Variants in SLC9A8 observed in about 807,000 individuals in gnomAD.
The protein encoded by SLC9A8 is sodium/hydrogen exchanger 8.
SLC9A8 carries 48 observed loss-of-function variants against 66.6 expected under a neutral mutation model. The observed-to-expected ratio is 0.72, with a 90% CI of 0.57 to 0.92. The LOEUF (loss-of-function observed/expected upper bound fraction) is 0.92. SLC9A8 is among the 40% of genes least tolerant of loss of function. The pLI, the probability that SLC9A8 is intolerant of heterozygous loss-of-function variation, is 0.00. For missense variants in SLC9A8, 599 were observed against 747.3 expected, an observed-to-expected ratio of 0.80 and a Z score of 2.31; for synonymous variants, 274 against 282.6, an observed-to-expected ratio of 0.97 and a Z score of 0.31.
chr20:49,819,102 CGTT>C (rs2086650453), intron 2 of SLC9A8, among the ~76,000 whole-genome samples: 1 of 152,050 alleles, frequency 6.6e-6, no homozygotes, highest in Non-Finnish European at 1.5e-5. Flanking sequence ...TGCATTTAAC[CGTT>C]GTTGATCTTT....
intron 10 of SLC9A8, among the ~76,000 whole-genome samples, chr20:49,869,741 G>A (rs1489473664): frequency 1.3e-5 from 2 of 152,014 alleles, no homozygotes; most frequent in African/African-American, 4.8e-5. Flanking sequence ...GCTGAGGCAG[G>A]AGAATTGCTT....
At chr20:49,837,141 CTGTT>C (rs1335763323) in intron 3 of SLC9A8, among the ~76,000 whole-genome samples, 1 of 152,182 alleles carries the variant, frequency 6.6e-6, no homozygotes, top group East Asian at 1.9e-4. Flanking sequence ...AAGAATGAAA[CTGTT>C]TGTCTCTTAT....
Position 49,890,161 on chromosome 20 carries a change from G to T in SLC9A8, c.*2225G>T, listed in dbSNP as rs1199263205. 1 of 152,098 alleles carries T rather than the reference G, an allele frequency of 6.6e-6. No individual in the cohort carries two copies. Among genetic ancestry groups the T allele is most frequent in the Non-Finnish European group, 1.5e-5 (1 of 68,040 alleles). The allele number at this position is 152,098 out of a possible 1,614,324, so 9.4% of individuals were successfully genotyped here. A position where few individuals can be genotyped will look rare whatever the true frequency, so the allele number is the denominator to read the frequency against. ...CTCCTCTGAGCCTCTTCTGCCCCCT[G>T]TCGGCCAGGTGAGGTCAGCAGCCTG... On this transcript the variant is annotated 3_prime_UTR_variant, in exon 16 of 16. Transcript: ENST00000361573.
intron 10 of SLC9A8, among the ~76,000 whole-genome samples, chr20:49,867,667 G>T (rs1357798299): frequency 6.6e-6 from 1 of 152,170 alleles, no homozygotes; most frequent in African/African-American, 2.4e-5. Context: ...CTCAGCAGGG[G>T]GCCTAGGGAA....
At chr20:49,875,884 G>A (rs1474602024) in intron 11 of SLC9A8, among the ~76,000 whole-genome samples, 8 of 151,986 alleles carry the variant, frequency 5.3e-5, no homozygotes, top group Admixed American at 3.3e-4. Context: ...ATAGGTGCCC[G>A]CCACCATGCC....
chr20:49,870,468 C>T (rs951462024), intron 10 of SLC9A8, among the ~76,000 whole-genome samples: 2 of 152,132 alleles, frequency 1.3e-5, no homozygotes, highest in African/African-American at 4.8e-5. Context: ...GCAGGAACTG[C>T]AGGAGCCAGG....
Position 49,823,075 on chromosome 20 carries a change from T to C in SLC9A8, c.223T>C (p.Leu75=). ...TTTTTCCACAGCTATCTGCATCATA[T>C]TGGTGCATTTACTGATCCGATACAG... ...SLLVLAICII[L]VHLLIRYRLH... Residue 75 remains leucine (L), a synonymous_variant, in exon 3 of 16, where the codon TTG becomes CTG. Coordinates refer to ENST00000361573, the MANE Select transcript of SLC9A8 (RefSeq NM_015266.3). 1.2e-6 allele frequency: 2 copies of C among 1,611,286 alleles called. No homozygotes were observed. Among genetic ancestry groups the C allele is most frequent in the Non-Finnish European group, 1.7e-6 (2 of 1,177,994 alleles).
chr20:49,884,219 C>CACACACACACACACG, intron 14 of SLC9A8, 153 bp downstream of exon 14: 2 of 328,100 alleles, frequency 6.1e-6, no homozygotes, highest in East Asian at 5.4e-5. Flanking sequence ...CACACACACA[C>CACACACACACACACG]ACACACACAC....
chr20:49,813,378 T>C (rs1435430936), intron 1 of SLC9A8, among the ~76,000 whole-genome samples: 1 of 152,180 alleles, frequency 6.6e-6, no homozygotes, highest in African/African-American at 2.4e-5. Context: ...TTTCATTTAG[T>C]CATTAACTGT....
At chr20:49,864,942 C>A in intron 10 of SLC9A8, 98 bp downstream of exon 10, 1 of 785,752 alleles carries the variant, frequency 1.3e-6, no homozygotes, top group Admixed American at 1.9e-5. Flanking sequence ...TCACAAGAGA[C>A]AGTCACAACT....
intron 7 of SLC9A8, among the ~76,000 whole-genome samples, chr20:49,852,091 C>G (rs1056160220): frequency 2.0e-5 from 3 of 152,134 alleles, no homozygotes; most frequent in Non-Finnish European, 4.4e-5. Flanking sequence ...GACGATCCCT[C>G]AGATGGGGAC....
chr20:49,871,329 A>C (rs1465852146), intron 10 of SLC9A8, among the ~76,000 whole-genome samples: 1 of 152,122 alleles, frequency 6.6e-6, no homozygotes, highest in East Asian at 1.9e-4. Flanking sequence ...CCTTTATTAC[A>C]TCTAGAACAG....
At chr20:49,871,838 T>C (rs1483174407) in intron 10 of SLC9A8, among the ~76,000 whole-genome samples, 2 of 152,198 alleles carry the variant, frequency 1.3e-5, no homozygotes, top group Non-Finnish European at 2.9e-5. Flanking sequence ...GGCTTACTTA[T>C]CCATATAGAA....
In SLC9A8 at chr20:49,872,737, G is replaced by A. The variant is rs548143036; in HGVS notation, c.959-1968G>A. On this transcript the variant is annotated intron_variant, in intron 10 of 15. Coordinates refer to ENST00000361573, the MANE Select transcript of SLC9A8 (RefSeq NM_015266.3). ...CCTGACCTCGTGATTCACCCGCCTC[G>A]GCCTCCCAAAGTGCTGGGATTACAG... Among the ~76,000 whole-genome samples, 50 of 152,024 alleles carry A rather than the reference G, an allele frequency of 3.3e-4. 1 individual carries two copies. In the South Asian group the frequency reaches 3.7e-3, roughly 11 times the overall value.
Position 49,887,925 on chromosome 20 carries a change from G to A in SLC9A8, c.1735G>A (p.Glu579Lys). Residue 579 changes from glutamate to lysine, a missense_variant, in exon 16 of 16, where the codon GAG becomes AAG. Coordinates refer to ENST00000361573, the MANE Select transcript of SLC9A8 (RefSeq NM_015266.3). ...GPSGSEDDEQ[E>K]LL The stretch of plus-strand genomic sequence containing the variant: ...CTCCGGCTCCGAGGACGACGAGCAG[G>A]AGCTGCTCTGACGCCAGGTGCCAAG... 1 of 1,613,432 alleles carries A rather than the reference G, an allele frequency of 6.2e-7. No individual in the cohort carries two copies. Among genetic ancestry groups the A allele is most frequent in the Non-Finnish European group, 8.5e-7 (1 of 1,179,672 alleles).
chr20:49,880,941 C>T lies in SLC9A8; in HGVS notation c.1176C>T (p.Gly392=). The change falls in exon 13 of 16, where the codon GGC becomes GGT. Residue 392 remains glycine, a synonymous_variant. Transcript: ENST00000361573. Reference sequence around the variant, plus strand: ...ATCAACAGGTGCTTGTACTATTTGGCAGAGCGGTAAACATTTTCCCTCTTT... The same window carrying T: ...ATCAACAGGTGCTTGTACTATTTGGTAGAGCGGTAAACATTTTCCCTCTTT... The part of the protein sequence containing the change: ...VIWCIVLVLF[G]RAVNIFPLSY... 1 of 1,612,768 alleles carries T rather than the reference C, an allele frequency of 6.2e-7. No homozygotes were observed. The highest frequency in any genetic ancestry group is 1.6e-4 in the Middle Eastern group (1 of 6,062).
chr20:49,881,685 A>G lies in SLC9A8; in HGVS notation c.1270+650A>G, dbSNP rs188465617. Among the ~76,000 whole-genome samples the G allele has an allele frequency of 5.7e-4, 87 of 152,334 alleles. 1 individual carries two copies. The East Asian group carries it at 0.015, about 27-fold the overall frequency. On this transcript the variant is annotated intron_variant, in intron 13 of 15. Transcript: ENST00000361573. ...CAACACACTATAATGTTCTCTATCC[A>G]AAGGCATATCTGCAAGTTTGTCTCA...
intron 8 of SLC9A8, among the ~76,000 whole-genome samples, chr20:49,861,869 C>T (rs2088753799): frequency 1.3e-5 from 2 of 152,184 alleles, no homozygotes; most frequent in African/African-American, 4.8e-5. Flanking sequence ...AATCCTCCCT[C>T]TCAGCCTGAA....
intron 10 of SLC9A8, among the ~76,000 whole-genome samples, chr20:49,869,451 T>C (rs1421048174): frequency 6.6e-6 from 1 of 151,698 alleles, no homozygotes; most frequent in East Asian, 2.0e-4. Context: ...CTTGAACTCC[T>C]GACCTCGTGA....
Sources: allele counts gnomAD v4.1 joint callset (sites outside exome capture counted in the v4.1 genomes callset), GRCh38; gene constraint gnomAD v4.1.1; transcripts MANE v1.5; gene names NCBI Gene and HGNC (gene_info 2026-07-23, HGNC 2026-07-21).